Variants in ADCY7 observed in about 807,000 individuals in gnomAD.
The protein encoded by ADCY7 is adenylate cyclase type 7.
ADCY7 carries 72 observed loss-of-function variants against 120.6 expected under a neutral mutation model. That is an observed-to-expected ratio of 0.60 (90% confidence interval 0.49 to 0.73). The LOEUF (loss-of-function observed/expected upper bound fraction) is 0.73. Among genes scored for constraint, ADCY7 ranks in the 30% least tolerant of loss-of-function variants. ADCY7 has a pLI of 0.00. For missense variants in ADCY7, 1,227 were observed against 1,486.0 expected, an observed-to-expected ratio of 0.83 and a Z score of 2.87; for synonymous variants, 661 against 628.0, an observed-to-expected ratio of 1.05 and a Z score of -0.78.
intron 1 of ADCY7, among the ~76,000 whole-genome samples, chr16:50,250,900 TC>T (rs1435652335): frequency 9.2e-5 from 14 of 152,166 alleles, no homozygotes; most frequent in African/African-American, 3.4e-4. Flanking sequence ...ACTTATCACT[TC>T]TGAAAGTTTT....
chr16:50,314,223 G>A (rs956967281), intron 23 of ADCY7, 69 bp from the exon 24 acceptor site: 28 of 1,492,096 alleles, frequency 1.9e-5, no homozygotes, highest in East Asian at 2.3e-5. Context: ...AACAAGAGTG[G>A]CGCGCCAGGG....
In ADCY7 at chr16:50,304,570, C is replaced by T. The variant is rs773721358; in HGVS notation, c.1560+19C>T. 4.6e-6 allele frequency: 7 copies of T among 1,519,542 alleles called. No homozygotes were observed. In the African/African-American group the frequency reaches 5.6e-5, roughly 12 times the overall value. The allele number at this position is 1,519,542 out of a possible 1,614,324, so 94.1% of individuals were successfully genotyped here. On this transcript the variant is annotated intron_variant, in intron 11 of 25. Transcript: ENST00000673801. ...GCCTAAGGTAGGTCCCCCTCCCACC[C>T]AGAAAGCCAGGGATTGGGGCCCCAA...
At chr16:50,290,332 G>T in intron 2 of ADCY7, 125 bp from the exon 3 acceptor site, 1 of 1,006,008 alleles carries the variant, frequency 9.9e-7, no homozygotes, top group East Asian at 2.6e-5. Context: ...AGGTGTGGGA[G>T]GGTGCATCCA....
rs4785407 is a variant in ADCY7 at position 50,317,533 on chromosome 16, T to C, written c.*2028T>C. ...TCTTCAGTAACAACAGAAACCCCAG[T>C]TGGGAGTTTAACAAATAACTGACTA... On this transcript the variant is annotated 3_prime_UTR_variant, in exon 26 of 26. Transcript: ENST00000673801. 24,079 of 152,328 alleles carry C rather than the reference T, an allele frequency of 0.16. 2,243 individuals carry two copies. Among genetic ancestry groups the C allele is most frequent in the Non-Finnish European group, 0.21 (14,323 of 67,994 alleles). 9.4% of individuals were successfully genotyped at this position (152,328 alleles called of 1,614,324 possible).
At chr16:50,281,385 A>AGGCAGGTGC (rs58503111) in intron 1 of ADCY7, among the ~76,000 whole-genome samples, 79,939 of 151,060 alleles carry the variant, frequency 0.53, 22,275 homozygotes, top group Middle Eastern at 0.67. Context: ...GTGGCAGGTA[A>AGGCAGGTGC]GGCAGGTGCG....
rs113400569 is a variant in ADCY7, at chr16:50,287,901, C to A, written c.-268-11C>A. 5 of 374,666 alleles carry A rather than the reference C, an allele frequency of 1.3e-5. No homozygotes were observed. Among genetic ancestry groups the A allele is most frequent in the Non-Finnish European group, 1.4e-5 (3 of 209,664 alleles). The allele number at this position is 374,666 out of a possible 1,614,324, so 23.2% of individuals were successfully genotyped here. On this transcript the variant is annotated splice_polypyrimidine_tract_variant and intron_variant, in intron 1 of 25. Transcript: ENST00000673801. The stretch of plus-strand genomic sequence containing the variant: ...CATTAGGTCAAGTTCCTGTCTGCTT[C>A]GTCTCCGCAGAGCTGAGGAACTGCG...
Position 50,305,818 on chromosome 16 carries a change from C to T in ADCY7, c.1721C>T (p.Ser574Phe). 3 of 1,613,962 alleles carry T rather than the reference C, an allele frequency of 1.9e-6. No individual in the cohort carries two copies. Among genetic ancestry groups the T allele is most frequent in the Non-Finnish European group, 2.5e-6 (3 of 1,180,006 alleles). The change falls in exon 14 of 26, where the codon TCC (serine) becomes TTC (phenylalanine). Residue 574 changes from serine to phenylalanine, a missense_variant. This residue lies in a region of ADCY7 where 332 missense variants were observed against 455.8 expected (regional missense o/e 0.73). Coordinates refer to ENST00000673801, the MANE Select transcript of ADCY7 (RefSeq NM_001114.5). ...TCCGATGACTTCTACACCTTTGGGT[C>T]CATCTTCCTGGAGAAGGGCTTTGAG... Reference protein sequence around the residue: ...SKSDDFYTFGSIFLEKGFERE... With the variant: ...SKSDDFYTFGFIFLEKGFERE...
At chr16:50,258,465 A>G in intron 1 of ADCY7, among the ~76,000 whole-genome samples, 1 of 151,824 alleles carries the variant, frequency 6.6e-6, no homozygotes, top group African/African-American at 2.4e-5. Flanking sequence ...GCTTGATCTA[A>G]TTCAGTTTTG....
intron 22 of ADCY7, chr16:50,313,549 T>C (rs2036606618): frequency 9.8e-6 from 2 of 204,472 alleles, no homozygotes; most frequent in Non-Finnish European, 2.0e-5. Flanking sequence ...GCATCTTCTC[T>C]GTGATGGGCA....
In ADCY7 at chr16:50,281,161, C is replaced by A. The variant is rs117444713; in HGVS notation, c.-268-6751C>A. On this transcript the variant is annotated intron_variant, in intron 1 of 25. Transcript: ENST00000673801. ...AGGGCTTCCTCTGACACTAAGCGTG[C>A]CTTCTTGGCCATTTGCCAATTTGTC... Among the ~76,000 whole-genome samples the A allele has an allele frequency of 3.5e-4, 54 of 152,340 alleles. No individual in the cohort carries two copies. The East Asian group carries it at 7.1e-3, about 20-fold the overall frequency.
intron 7 of ADCY7, among the ~76,000 whole-genome samples, chr16:50,295,472 CCG>C (rs1327371980): frequency 2.7e-5 from 4 of 148,288 alleles, no homozygotes; most frequent in East Asian, 2.0e-4. Flanking sequence ...GGGATTACAG[CCG>C]TGGGCCACCA....
At chr16:50,314,484 C>T in intron 24 of ADCY7, 78 bp downstream of exon 24, 2 of 1,048,820 alleles carry the variant, frequency 1.9e-6, no homozygotes, top group East Asian at 2.5e-5. Context: ...CACAGCTGCA[C>T]CTCGCCATCT....
intron 1 of ADCY7, among the ~76,000 whole-genome samples, chr16:50,275,135 T>A (rs2033803486): frequency 1.3e-5 from 2 of 151,958 alleles, no homozygotes; most frequent in Admixed American, 1.3e-4. Flanking sequence ...CTAGGGAGGG[T>A]GCTGTTGAGA....
At chr16:50,305,925 T>C (rs1288959715) in intron 14 of ADCY7, 76 bp downstream of exon 14, 23 of 1,431,962 alleles carry the variant, frequency 1.6e-5, no homozygotes, top group Non-Finnish European at 2.3e-5. Context: ...ACGCAGGTCA[T>C]GGGGCAGCCT....
At chr16:50,266,369 A>T (rs1024784659), upstream of ADCY7, 3 of 152,624 alleles carry the variant, frequency 2.0e-5, no homozygotes, top group Admixed American at 2.0e-4. Flanking sequence ...CCATGAAGTC[A>T]TTGGAGCCCG....
At chr16:50,289,562 T>C (rs1384055789) in intron 2 of ADCY7, among the ~76,000 whole-genome samples, 2 of 152,206 alleles carry the variant, frequency 1.3e-5, no homozygotes, top group African/African-American at 4.8e-5. Context: ...ACCTCCTAGG[T>C]TCAAGTGATT....
At chr16:50,282,062 A>G (rs1392645887) in intron 1 of ADCY7, among the ~76,000 whole-genome samples, 2 of 152,054 alleles carry the variant, frequency 1.3e-5, no homozygotes, top group African/African-American at 4.8e-5. Context: ...GGAGGCTTCC[A>G]TGCCCCCCTC....
intron 1 of ADCY7, among the ~76,000 whole-genome samples, chr16:50,256,091 C>T (rs903319492): frequency 2.0e-5 from 3 of 152,046 alleles, no homozygotes. Flanking sequence ...AGGATGATGT[C>T]AAACTTAAAA....
Position 50,310,891 on chromosome 16 carries a change from G to GC in ADCY7, c.2354+14dup. On this transcript the variant is annotated intron_variant, in intron 19 of 25. Transcript: ENST00000673801. ...CAACGGCACCACCAGGTGGGGTCCC[G>GC]CCCGTCCCCGTCCCCATCCCCATGG... The GC allele has an allele frequency of 6.4e-7, 1 of 1,573,920 alleles. No homozygotes were observed. The highest frequency in any genetic ancestry group is 8.6e-7 in the Non-Finnish European group (1 of 1,162,054).
Sources: gnomAD v4.1 joint callset for allele counts (sites outside exome capture counted in the v4.1 genomes callset) on GRCh38, gnomAD v4.1.1 for gene constraint, gnomAD v4.1.1 regional missense constraint, MANE v1.5 for transcripts, NCBI Gene and HGNC (gene_info 2026-07-23, HGNC 2026-07-21) for gene names.